Variants in BICC1 observed in about 807,000 individuals in gnomAD.
The protein encoded by BICC1 is BicC family RNA binding protein 1.
A neutral mutation model predicts 111.0 loss-of-function variants in BICC1; 43 were observed. That is an observed-to-expected ratio of 0.39 (90% confidence interval 0.30 to 0.50). The LOEUF (loss-of-function observed/expected upper bound fraction) is 0.50, where lower values mean the gene tolerates loss of function less well. BICC1 is among the 20% of genes least tolerant of loss of function. BICC1 has a pLI of 0.88. For synonymous variants in BICC1, 467 were observed against 434.4 expected, an observed-to-expected ratio of 1.07 and a Z score of -0.93; for missense variants, 1,091 against 1,203.2, an observed-to-expected ratio of 0.91 and a Z score of 1.38.
chr10:58,555,278 C>T (rs189900873), intron 1 of BICC1, among the ~76,000 whole-genome samples: 300 of 140,602 alleles, frequency 2.1e-3, no homozygotes, highest in African/African-American at 7.5e-3. Flanking sequence ...TTTTATTTTA[C>T]AGCTGAAGAG....
At chr10:58,569,765 T>C (rs1658431) in intron 1 of BICC1, among the ~76,000 whole-genome samples, 69,936 of 152,040 alleles carry the variant, frequency 0.46, 17,108 homozygotes, top group Admixed American at 0.62. Context: ...TGTATATGTG[T>C]CACATTTTCT....
intron 1 of BICC1, among the ~76,000 whole-genome samples, chr10:58,519,805 A>G (rs531696220): frequency 6.6e-6 from 1 of 152,278 alleles, no homozygotes; most frequent in East Asian, 1.9e-4. Context: ...GAGTACTGGA[A>G]CTATCTCTAA....
At chr10:58,642,773 C>T (rs559654334) in intron 2 of BICC1, among the ~76,000 whole-genome samples, 8 of 152,100 alleles carry the variant, frequency 5.3e-5, no homozygotes, top group Admixed American at 1.3e-4. Context: ...GATGTGATCA[C>T]GGCTTACTGC....
At chr10:58,595,368 A>G (rs2132053085) in intron 1 of BICC1, among the ~76,000 whole-genome samples, 1 of 152,306 alleles carries the variant, frequency 6.6e-6, no homozygotes, top group Non-Finnish European at 1.5e-5. Flanking sequence ...AGTGGACCTA[A>G]TAGACATCTA....
chr10:58,603,283 G>T (rs545958587), intron 1 of BICC1, among the ~76,000 whole-genome samples: 28 of 152,280 alleles, frequency 1.8e-4, no homozygotes, highest in African/African-American at 6.7e-4. Context: ...AACTAGTTAG[G>T]ATTATAGGAG....
chr10:58,544,951 A>C (rs1475287461), intron 1 of BICC1, among the ~76,000 whole-genome samples: 1 of 152,170 alleles, frequency 6.6e-6, no homozygotes, highest in African/African-American at 2.4e-5. Flanking sequence ...GAAGGAAGAC[A>C]GTGTGAAGAG....
intron 1 of BICC1, among the ~76,000 whole-genome samples, chr10:58,566,307 A>G (rs1324058052): frequency 6.6e-6 from 1 of 151,888 alleles, no homozygotes; most frequent in African/African-American, 2.4e-5. Context: ...CACACACCAC[A>G]TGGTGTGTAT....
chr10:58,524,274 G>A (rs1391660127), intron 1 of BICC1, among the ~76,000 whole-genome samples: 2 of 152,134 alleles, frequency 1.3e-5, no homozygotes, highest in Non-Finnish European at 2.9e-5. Context: ...AAAGCTGGAG[G>A]CACCACGCTA....
chr10:58,639,230 T>G (rs888340526), intron 2 of BICC1, among the ~76,000 whole-genome samples: 2 of 152,150 alleles, frequency 1.3e-5, no homozygotes, highest in Admixed American at 1.3e-4. Context: ...ATACCCTAAG[T>G]GTTCCCAATA....
intron 1 of BICC1, among the ~76,000 whole-genome samples, chr10:58,538,662 G>C (rs1334996242): frequency 6.6e-6 from 1 of 151,786 alleles, no homozygotes; most frequent in Non-Finnish European, 1.5e-5. Flanking sequence ...CCATTAAATA[G>C]ACAACCTACA....
intron 2 of BICC1, among the ~76,000 whole-genome samples, chr10:58,682,701 A>G (rs180844013): frequency 6.6e-6 from 1 of 152,272 alleles, no homozygotes. Context: ...GTCTGTTCAT[A>G]TCCTTCGCCC....
At chr10:58,745,599 A>ACCCCCCCCCCC (rs1564589090) in intron 3 of BICC1, among the ~76,000 whole-genome samples, 4 of 41,702 alleles carry the variant, frequency 9.6e-5, no homozygotes, top group African/African-American at 1.7e-4. Context: ...AGAGCCCCCC[A>ACCCCCCCCCCC]CCGCCCCCCC....
intron 1 of BICC1, among the ~76,000 whole-genome samples, chr10:58,607,900 G>A (rs1395967111): frequency 6.6e-6 from 1 of 152,190 alleles, no homozygotes; most frequent in Non-Finnish European, 1.5e-5. Flanking sequence ...AACTGGACAT[G>A]TGGAGAACCC....
intron 2 of BICC1, among the ~76,000 whole-genome samples, chr10:58,634,845 C>G (rs1287997230): frequency 6.6e-6 from 1 of 151,964 alleles, no homozygotes; most frequent in Non-Finnish European, 1.5e-5. Flanking sequence ...TTACAATAAT[C>G]TAGAGAAAAT....
At chr10:58,512,250 G>C (rs953840776), upstream of BICC1, among the ~76,000 whole-genome samples, 1 of 152,142 alleles carries the variant, frequency 6.6e-6, no homozygotes, top group Non-Finnish European at 1.5e-5. Context: ...GGGAGGAGAC[G>C]AGGTGTCTGG....
intron 2 of BICC1, among the ~76,000 whole-genome samples, chr10:58,664,960 T>C (rs2132302751): frequency 6.6e-6 from 1 of 152,256 alleles, no homozygotes; most frequent in East Asian, 1.9e-4. Flanking sequence ...TGCTGCTACA[T>C]TGAGCTTAAT....
chr10:58,791,125 GA>G (rs1281151020), intron 8 of BICC1, among the ~76,000 whole-genome samples: 3 of 152,126 alleles, frequency 2.0e-5, no homozygotes, highest in Admixed American at 1.3e-4. Context: ...AATTTGTCAT[GA>G]TTTTTTTTAG....
intron 3 of BICC1, among the ~76,000 whole-genome samples, chr10:58,779,045 TA>T (rs933578547): frequency 6.6e-6 from 1 of 151,946 alleles, no homozygotes; most frequent in Admixed American, 6.6e-5. Context: ...ATTTTCACCG[TA>T]AAAAAAATGT....
intron 8 of BICC1, 22 bp from the exon 9 acceptor site, chr10:58,793,462 A>G: frequency 1.2e-6 from 2 of 1,602,492 alleles, no homozygotes; most frequent in Middle Eastern, 1.7e-4. Flanking sequence ...CCTCCTACAC[A>G]TTCTATTGTG....
Sources: gnomAD v4.1 joint callset for allele counts (sites outside exome capture counted in the v4.1 genomes callset) on GRCh38, gnomAD v4.1.1 for gene constraint, MANE v1.5 for transcripts, NCBI Gene and HGNC (gene_info 2026-07-23, HGNC 2026-07-21) for gene names.